Variants in ESRP2 observed in about 807,000 individuals in gnomAD.
The protein encoded by ESRP2 is RNA binding motif protein 35A.
ESRP2 carries 48 observed loss-of-function variants against 78.6 expected under a neutral mutation model. The ratio of observed to expected loss-of-function variants is 0.61; its 90% CI spans 0.48 to 0.78. The LOEUF (loss-of-function observed/expected upper bound fraction) is 0.78. Ranked by LOEUF, ESRP2 falls within the 30% of genes least tolerant of loss-of-function variation. ESRP2 has a pLI of 0.00. For synonymous variants in ESRP2, 383 were observed against 406.7 expected (o/e 0.94, Z 0.70); for missense variants, 863 against 965.9 (o/e 0.89, Z 1.41).
At position 68,235,537 on chromosome 16, in the gene ESRP2, G is replaced by T; in HGVS notation, c.327+97C>A. The T allele has an allele frequency of 2.0e-6, 3 of 1,521,968 alleles. No individual in the cohort carries two copies. Among genetic ancestry groups the T allele is most frequent in the Admixed American group, 4.0e-5 (2 of 49,528 alleles). The allele number at this position is 1,521,968 out of a possible 1,614,324, so 94.3% of individuals were successfully genotyped here. A position where few individuals can be genotyped will look rare whatever the true frequency, so the allele number is the denominator to read the frequency against. ...AGAGCCCAGTCCTGCCGCCTGGACC[G>T]GTTGGTTGCGGCACGCCAGGCCTAG... is the stretch of plus-strand genomic sequence containing the variant. On this transcript the variant is annotated intron_variant, in intron 2 of 14. Transcript: ENST00000473183. This position sits in a 1 kb window ranked among gnomAD's most constrained non-coding sequence, Gnocchi z 5.5.
intron 13 of ESRP2, 88 bp downstream of exon 13, chr16:68,230,753 G>C (rs1177140372): frequency 6.5e-7 from 1 of 1,546,798 alleles, no homozygotes; most frequent in Non-Finnish European, 8.8e-7. Flanking sequence ...CTCAAGGGAG[G>C]AGTTATCTGG....
chr16:68,230,920 G>A lies in ESRP2; in HGVS notation c.1819C>T (p.Pro607Ser), dbSNP rs775436384. ...TAGGCAACAGGGGTGGGGGCAGCAG[G>A]CACCCTGGCAGCTGGGAGCAGTGCT... ...SSALLPAARVPAAPTPVAYYP... is the reference protein window; with the variant it reads ...SSALLPAARVSAAPTPVAYYP... The change falls in exon 13 of 15, where the codon CCT becomes TCT. Residue 607 changes from proline to serine, a missense_variant. Coordinates refer to ENST00000473183, the MANE Select transcript of ESRP2 (RefSeq NM_024939.3). 6.2e-7 allele frequency: 1 copy of A among 1,613,752 alleles called. No individual in the cohort carries two copies. Among genetic ancestry groups the A allele is most frequent in the Middle Eastern group, 1.7e-4 (1 of 6,054 alleles).
chr16:68,233,962 C>G (rs2042185946), intron 3 of ESRP2, 32 bp downstream of exon 3: 1 of 1,609,622 alleles, frequency 6.2e-7, no homozygotes, highest in Non-Finnish European at 8.5e-7. Context: ...ACTGACCACC[C>G]CACCCCACCC....
chr16:68,230,143 G>C lies in ESRP2; in HGVS notation c.*83C>G, dbSNP rs1235829077. 2.3e-6 allele frequency: 3 copies of C among 1,330,982 alleles called. No individual in the cohort carries two copies. The East Asian group carries it at 6.9e-5, about 31-fold the overall frequency. The allele number at this position is 1,330,982 out of a possible 1,614,324, so 82.4% of individuals were successfully genotyped here. On this transcript the variant is annotated 3_prime_UTR_variant, in exon 15 of 15. Transcript: ENST00000473183. ...TTGACAAGCCAGAAAGAAGCTACCAGGTTGAGGGTGCTGGTCTTCTGGACT... is the reference window on the plus strand; with the variant it reads ...TTGACAAGCCAGAAAGAAGCTACCACGTTGAGGGTGCTGGTCTTCTGGACT...
Position 68,230,946 on chromosome 16 carries a change from G to C in ESRP2, c.1793C>G (p.Ser598Ter). Residue 598 changes from serine (S) to a stop codon, truncating the protein, a stop_gained, in exon 13 of 15, where the codon TCA becomes TGA. Transcript: ENST00000473183. LOFTEE classifies it high-confidence loss of function. Reference protein sequence around the residue: ...PTETAALYPSSALLPAARVPA... With the variant: ...PTETAALYPS ...CACCCTGGCAGCTGGGAGCAGTGCTGAAGAGGGGTATAGAGCTGCCGTCTC... is the reference window on the plus strand; with the variant it reads ...CACCCTGGCAGCTGGGAGCAGTGCTCAAGAGGGGTATAGAGCTGCCGTCTC... 6.2e-7 allele frequency: 1 copy of C among 1,612,758 alleles called. No homozygotes were observed. The highest frequency in any genetic ancestry group is 8.5e-7 in the Non-Finnish European group (1 of 1,179,298).
In ESRP2 at chr16:68,232,016, G is replaced by T. The variant is rs769751021; in HGVS notation, c.1085C>A (p.Thr362Lys). The change falls in exon 10 of 15, where the codon ACG becomes AAG. Residue 362 changes from threonine to lysine, a missense_variant. Thr to Lys is a moderately conservative substitution (Grantham distance 78). Coordinates refer to ENST00000473183, the MANE Select transcript of ESRP2 (RefSeq NM_024939.3). The surrounding 1 kb of genome is among the most constrained non-coding windows in gnomAD (Gnocchi z 5.2). ...TGGCCCCAGGAAGCCAAGCACGTCC[G>T]TTGGCCCAGCCGAGAAGGGCAGTCC... The part of the protein sequence containing the change: ...LRGLPFSAGP[T>K]DVLGFLGPEC... The T allele has an allele frequency of 4.3e-6, 7 of 1,613,914 alleles. No homozygotes were observed. Among genetic ancestry groups the T allele is most frequent in the Non-Finnish European group, 5.9e-6 (7 of 1,180,014 alleles).
In ESRP2 at chr16:68,236,013, C is replaced by G; in HGVS notation, c.33G>C (p.Pro11=). The G allele has an allele frequency of 6.6e-7, 1 of 1,504,592 alleles. No homozygotes were observed. The highest frequency in any genetic ancestry group is 1.4e-5 in the African/African-American group (1 of 69,168). 93.2% of individuals were successfully genotyped at this position (1,504,592 alleles called of 1,614,324 possible). The change falls in exon 1 of 15, where the codon CCG becomes CCC. Residue 11 remains proline, a synonymous_variant. Coordinates refer to ENST00000473183, the MANE Select transcript of ESRP2 (RefSeq NM_024939.3). This position sits in a 1 kb window ranked among gnomAD's most constrained non-coding sequence, Gnocchi z 5.2. ...CGGGGTCGGCCGCGGGGTCAGGGCC[C>G]GGGGGAGGGGGCGGCGGCGGCGGCG... MTPPPPPPPP[P]GPDPAADPAA... is the part of the protein sequence containing the mutation.
Position 68,232,366 on chromosome 16 carries a change from C to T in ESRP2, c.954+5G>A. ...CCCTGCTCCGCTCCCAGCCCAAAGC[C>T]CCACCTCAATATAGCGGACGCCCAT... On this transcript the variant is annotated splice_donor_5th_base_variant and intron_variant, in intron 8 of 14. Coordinates refer to ENST00000473183, the MANE Select transcript of ESRP2 (RefSeq NM_024939.3). This position sits in a 1 kb window ranked among gnomAD's most constrained non-coding sequence, Gnocchi z 5.2. The T allele has an allele frequency of 6.2e-7, 1 of 1,614,052 alleles. No homozygotes were observed. Among genetic ancestry groups the T allele is most frequent in the Non-Finnish European group, 8.5e-7 (1 of 1,179,948 alleles).
chr16:68,230,244 C>T lies in ESRP2; in HGVS notation c.2136G>A (p.Lys712=), dbSNP rs1353307822. The T allele has an allele frequency of 1.2e-6, 2 of 1,614,182 alleles. No homozygotes were observed. Among genetic ancestry groups the T allele is most frequent in the Non-Finnish European group, 1.7e-6 (2 of 1,180,016 alleles). The change falls in exon 15 of 15, where the codon AAG becomes AAA. Residue 712 remains lysine, a synonymous_variant. Coordinates refer to ENST00000473183, the MANE Select transcript of ESRP2 (RefSeq NM_024939.3). ...DPPRTVLQAP[K]EWVCL ...TTCTCTCCTACAAACACACCCATTC[C>T]TTGGGGGCTTGTAACACAGTGCGAG... is the stretch of plus-strand genomic sequence containing the variant.
chr16:68,235,725 G>A lies in ESRP2; in HGVS notation c.236C>T (p.Ala79Val). Reference sequence around the variant, plus strand: ...GCGGCACTGCGTACTCAGTGCGGCCGCCTCGGCACGAACCAGCGATTTGTG... The same window carrying A: ...GCGGCACTGCGTACTCAGTGCGGCCACCTCGGCACGAACCAGCGATTTGTG... ...TLHKSLVRAE[A>V]AALSTQCREA... is the part of the protein sequence containing the mutation. Residue 79 changes from alanine (A) to valine (V), a missense_variant, in exon 2 of 15, where the codon GCG becomes GTG. Coordinates refer to ENST00000473183, the MANE Select transcript of ESRP2 (RefSeq NM_024939.3). The surrounding 1 kb of genome is among the most constrained non-coding windows in gnomAD (Gnocchi z 5.5). The A allele has an allele frequency of 1.2e-6, 2 of 1,606,336 alleles. No individual in the cohort carries two copies. Among genetic ancestry groups the A allele is most frequent in the Non-Finnish European group, 8.5e-7 (1 of 1,178,934 alleles).
In ESRP2 at chr16:68,231,385, A is replaced by G; in HGVS notation, c.1513-9T>C. 1 of 1,614,042 alleles carries G rather than the reference A, an allele frequency of 6.2e-7. No individual in the cohort carries two copies. Among genetic ancestry groups the G allele is most frequent in the Non-Finnish European group, 8.5e-7 (1 of 1,179,970 alleles). ...TCGCCCGATGGCCGGCCCTGTGCAC[A>G]CCATCTTGTGAGCAGTTTGTCATGT... On this transcript the variant is annotated splice_polypyrimidine_tract_variant and intron_variant, in intron 11 of 14. Coordinates refer to ENST00000473183, the MANE Select transcript of ESRP2 (RefSeq NM_024939.3). This position sits in a 1 kb window ranked among gnomAD's most constrained non-coding sequence, Gnocchi z 6.0.
At position 68,232,447 on chromosome 16, in the gene ESRP2, ATGAG is replaced by A. The variant is rs761860764; in HGVS notation, c.874_877del (p.Leu292SerfsTer11). The A allele has an allele frequency of 5.6e-6, 9 of 1,614,162 alleles. No homozygotes were observed. Among genetic ancestry groups the A allele is most frequent in the Non-Finnish European group, 7.6e-6 (9 of 1,180,026 alleles). ...CCGCTGCTCGCTGTCCACAAAGCGG[ATGAG>A]GGCCTCGCCATTTCTGCGGCCCTGG... On this transcript the variant is annotated frameshift_variant, in exon 8 of 15. Transcript: ENST00000473183. LOFTEE classifies it high-confidence loss of function. This position sits in a 1 kb window ranked among gnomAD's most constrained non-coding sequence, Gnocchi z 5.2.
rs777020470 is a variant in ESRP2, at chr16:68,231,776, G to A, written c.1299+26C>T. 2 of 1,603,888 alleles carry A rather than the reference G, an allele frequency of 1.2e-6. No homozygotes were observed. Among genetic ancestry groups the A allele is most frequent in the Non-Finnish European group, 8.5e-7 (1 of 1,172,536 alleles). On this transcript the variant is annotated intron_variant, in intron 10 of 14. Transcript: ENST00000473183. This position sits in a 1 kb window ranked among gnomAD's most constrained non-coding sequence, Gnocchi z 6.0. ...GCCGCCCTGGAGTAACAGTACATCT[G>A]GGGGTGGGGAGCCCTGGGCGCTCAC...
rs145978010 is a variant in ESRP2, at chr16:68,234,009, G to C, written c.426C>G (p.Pro142=). 19 of 1,613,966 alleles carry C rather than the reference G, an allele frequency of 1.2e-5. No individual in the cohort carries two copies. In the South Asian group the frequency reaches 2.1e-4, roughly 18 times the overall value. ...GQQLLRQVLH[P]EASRKNLVLP... ...AGGAGCATACCTTCCTGGAGGCCTC[G>C]GGGTGCAGGACCTGTCGCAATAGCT... The change falls in exon 3 of 15, where the codon CCC becomes CCG. Residue 142 remains proline (P), a synonymous_variant. Coordinates refer to ENST00000473183, the MANE Select transcript of ESRP2 (RefSeq NM_024939.3).
At chr16:68,233,289 C>A in intron 5 of ESRP2, 38 bp downstream of exon 5, 1 of 1,427,288 alleles carries the variant, frequency 7.0e-7, no homozygotes, top group Non-Finnish European at 9.9e-7. Context: ...CATTTGTCAT[C>A]CCTGAGAACA....
Position 68,234,080 on chromosome 16 carries a change from C to T in ESRP2, c.355G>A (p.Ala119Thr). ...ATGTAGGGGCCCCCGCCCAGCAAAG[C>T]CACATCCCCGTTCACCAGCTGTGAG... is the stretch of plus-strand genomic sequence containing the variant. ...QFSQLVNGDV[A>T]LLGGGPYMLC... The change falls in exon 3 of 15, where the codon GCT (alanine) becomes ACT (threonine). Residue 119 changes from alanine (A) to threonine (T), a missense_variant. Ala to Thr is a moderately conservative substitution (Grantham distance 58, BLOSUM62 0). Coordinates refer to ENST00000473183, the MANE Select transcript of ESRP2 (RefSeq NM_024939.3). The T allele has an allele frequency of 6.2e-7, 1 of 1,613,222 alleles. No individual in the cohort carries two copies.
At chr16:68,233,056 G>A in intron 5 of ESRP2, 1 of 622,032 alleles carries the variant, frequency 1.6e-6, no homozygotes, top group Non-Finnish European at 2.8e-6. Context: ...AAAATTAGGT[G>A]GGCATGGTGG....
rs186017472 is a variant in ESRP2, at chr16:68,232,049, C to T, written c.1052G>A (p.Arg351Gln). Residue 351 changes from arginine (R) to glutamine (Q), a missense_variant, in exon 10 of 15, where the codon CGG becomes CAG. Arg to Gln is a conservative substitution (Grantham distance 43, BLOSUM62 1). Coordinates refer to ENST00000473183, the MANE Select transcript of ESRP2 (RefSeq NM_024939.3). The surrounding 1 kb of genome is among the most constrained non-coding windows in gnomAD (Gnocchi z 5.2). ...FLSREDQVIL[R>Q]LRGLPFSAGP... Reference sequence around the variant, plus strand: ...AGCCGAGAAGGGCAGTCCCCGCAGCCGCAGGATCACTTGGTCTTCCCGTGA... The same window carrying T: ...AGCCGAGAAGGGCAGTCCCCGCAGCTGCAGGATCACTTGGTCTTCCCGTGA... 8.6e-5 allele frequency: 138 copies of T among 1,613,972 alleles called. No individual in the cohort carries two copies. Among genetic ancestry groups the T allele is most frequent in the Non-Finnish European group, 1.0e-4 (122 of 1,179,968 alleles).
In ESRP2 at chr16:68,231,932, C is replaced by T. The variant is rs776296719; in HGVS notation, c.1169G>A (p.Arg390Gln). The change falls in exon 10 of 15, where the codon CGG becomes CAG. Residue 390 changes from arginine to glutamine, a missense_variant. Coordinates refer to ENST00000473183, the MANE Select transcript of ESRP2 (RefSeq NM_024939.3). The surrounding 1 kb of genome is among the most constrained non-coding windows in gnomAD (Gnocchi z 6.0). ...GLLFVRHPDGRPTGDAFALFA... is the reference protein window; with the variant it reads ...GLLFVRHPDGQPTGDAFALFA... ...GAGGGCGAAGGCATCACCAGTCGGCCGGCCATCAGGATGGCGCACAAAGAG... is the reference window on the plus strand; with the variant it reads ...GAGGGCGAAGGCATCACCAGTCGGCTGGCCATCAGGATGGCGCACAAAGAG... 41 of 1,613,962 alleles carry T rather than the reference C, an allele frequency of 2.5e-5. No homozygotes were observed. The highest frequency in any genetic ancestry group is 2.9e-5 in the Non-Finnish European group (34 of 1,180,024).
Sources: allele counts gnomAD v4.1 joint callset, GRCh38; gene constraint gnomAD v4.1.1; non-coding constraint Gnocchi (gnomAD v3.1); transcripts MANE v1.5; gene names NCBI Gene and HGNC (gene_info 2026-07-23, HGNC 2026-07-21).